Variants in FNDC3B observed in about 807,000 individuals in gnomAD.
FNDC3B encodes fibronectin type III domain containing 3B.
A neutral mutation model predicts 151.5 loss-of-function variants in FNDC3B; 12 were observed. That is an observed-to-expected ratio of 0.08 (90% CI 0.05 to 0.13). The LOEUF is 0.13. FNDC3B is among the 10% of genes least tolerant of loss of function. The pLI is 1.00. For synonymous variants in FNDC3B, 528 were observed against 549.0 expected (o/e 0.96, Z 0.54); for missense variants, 1,214 against 1,505.3 (o/e 0.81, Z 3.20).
chr3:172,133,641 A>T, intron 3 of FNDC3B, 95 bp downstream of exon 3: 1 of 882,766 alleles, frequency 1.1e-6, no homozygotes, highest in Non-Finnish European at 1.9e-6. Context: ...GTAATTTTCT[A>T]GAAGTAAAGT....
intron 1 of FNDC3B, among the ~76,000 whole-genome samples, chr3:172,096,328 T>A (rs759890560): frequency 3.3e-5 from 5 of 152,358 alleles, no homozygotes; most frequent in Non-Finnish European, 5.9e-5. Context: ...GAATTGCATT[T>A]TTATTAATTC....
At chr3:172,226,379 C>T (rs1156486721) in intron 3 of FNDC3B, among the ~76,000 whole-genome samples, 1 of 151,370 alleles carries the variant, frequency 6.6e-6, no homozygotes, top group Non-Finnish European at 1.5e-5. Flanking sequence ...AGGATTTCTT[C>T]TATTTCAAAT....
chr3:172,153,520 G>C (rs1722335306), intron 3 of FNDC3B, among the ~76,000 whole-genome samples: 1 of 152,234 alleles, frequency 6.6e-6, no homozygotes, highest in Admixed American at 6.5e-5. Context: ...AGCCACCTCA[G>C]TGTACTGAGG....
At chr3:172,093,101 A>T in intron 1 of FNDC3B, among the ~76,000 whole-genome samples, 1 of 151,964 alleles carries the variant, frequency 6.6e-6, no homozygotes, top group East Asian at 1.9e-4. Context: ...TACAGGCATG[A>T]GCCACTGCAC....
At chr3:172,198,274 G>A (rs1000820108) in intron 3 of FNDC3B, among the ~76,000 whole-genome samples, 1 of 152,084 alleles carries the variant, frequency 6.6e-6, no homozygotes, top group African/African-American at 2.4e-5. Flanking sequence ...ATCTGTGGGG[G>A]GGTACATGTG....
chr3:172,142,007 T>A (rs1721651676), intron 3 of FNDC3B, among the ~76,000 whole-genome samples: 1 of 152,182 alleles, frequency 6.6e-6, no homozygotes, highest in Non-Finnish European at 1.5e-5. Flanking sequence ...GCACATTAGA[T>A]GTATATTGTA....
At chr3:172,394,129 A>G in intron 25 of FNDC3B, among the ~76,000 whole-genome samples, 1 of 147,960 alleles carries the variant, frequency 6.8e-6, no homozygotes, top group Admixed American at 6.8e-5. Flanking sequence ...AAAAAAAAAA[A>G]AAAAAAATGG....
At chr3:172,283,125 C>T (rs1358858092) in intron 6 of FNDC3B, among the ~76,000 whole-genome samples, 1 of 152,198 alleles carries the variant, frequency 6.6e-6, no homozygotes. Flanking sequence ...CAAAGGCAAA[C>T]AGAGAAGGCA....
At chr3:172,075,484 C>T (rs1366270202) in intron 1 of FNDC3B, among the ~76,000 whole-genome samples, 1 of 152,044 alleles carries the variant, frequency 6.6e-6, no homozygotes, top group East Asian at 2.0e-4. Context: ...CCCTACACGT[C>T]AACAACAACA....
intron 4 of FNDC3B, among the ~76,000 whole-genome samples, chr3:172,229,084 AACACACACACACACACACACAC>A (rs760446690): frequency 1.1e-3 from 132 of 117,856 alleles, no homozygotes; most frequent in African/African-American, 3.8e-3. Context: ...GAAAGAAAGA[AACACACACACACACACACACAC>A]ACACACACAC....
At chr3:172,303,061 T>C (rs1489432640) in intron 9 of FNDC3B, 1 of 152,154 alleles carries the variant, frequency 6.6e-6, no homozygotes, top group Admixed American at 6.5e-5. Flanking sequence ...CATTTATACA[T>C]ATATACATTT....
chr3:172,237,611 T>C (rs1384704662), intron 4 of FNDC3B: 2 of 151,944 alleles, frequency 1.3e-5, no homozygotes, highest in Non-Finnish European at 2.9e-5. Flanking sequence ...AAAAGAAAAA[T>C]AAAGCACCAA....
chr3:172,378,926 T>A (rs1291095752), intron 24 of FNDC3B, among the ~76,000 whole-genome samples: 1 of 152,146 alleles, frequency 6.6e-6, no homozygotes, highest in Admixed American at 6.6e-5. Context: ...TATCTTGAAG[T>A]TTCTTCAAGG....
chr3:172,313,167 T>A (rs879754028), intron 11 of FNDC3B, among the ~76,000 whole-genome samples: 2 of 152,164 alleles, frequency 1.3e-5, no homozygotes, highest in Non-Finnish European at 2.9e-5. Flanking sequence ...CCACCATGGA[T>A]CTTTTGCCAA....
intron 1 of FNDC3B, among the ~76,000 whole-genome samples, chr3:172,048,604 C>T (rs57095073): frequency 0.016 from 2,490 of 152,200 alleles, 65 homozygotes; most frequent in African/African-American, 0.058. Context: ...CATTCCTATT[C>T]CTATACGCAA....
chr3:172,051,008 G>C (rs1461189746), intron 1 of FNDC3B, among the ~76,000 whole-genome samples: 1 of 151,620 alleles, frequency 6.6e-6, no homozygotes, highest in Non-Finnish European at 1.5e-5. Flanking sequence ...AAAAGAAAAT[G>C]ATCTCCCCTT....
At chr3:172,185,907 T>C (rs1165938295) in intron 3 of FNDC3B, among the ~76,000 whole-genome samples, 1 of 152,250 alleles carries the variant, frequency 6.6e-6, no homozygotes, top group East Asian at 1.9e-4. Context: ...AATGGCTAGC[T>C]CTGGGAGCTG....
chr3:172,293,040 C>G (rs758456636), intron 7 of FNDC3B, among the ~76,000 whole-genome samples: 143 of 152,184 alleles, frequency 9.4e-4, no homozygotes, highest in Non-Finnish European at 1.8e-3. Flanking sequence ...CCTCTGTGTT[C>G]AGTATATCTG....
intron 6 of FNDC3B, among the ~76,000 whole-genome samples, chr3:172,263,092 AAT>A (rs35820918): frequency 0.047 from 6,865 of 145,230 alleles, 520 homozygotes; most frequent in African/African-American, 0.16. Context: ...AATATATATA[AAT>A]ATATATATAT....
Sources: gnomAD v4.1 joint callset for allele counts (sites outside exome capture counted in the v4.1 genomes callset) on GRCh38, gnomAD v4.1.1 for gene constraint, MANE v1.5 for transcripts, NCBI Gene and HGNC (gene_info 2026-07-23, HGNC 2026-07-21) for gene names.